The following ARHGEF10 variants were observed in gnomAD, a reference collection of about 807,000 sequenced individuals.
The protein encoded by ARHGEF10 is Rho guanine nucleotide exchange factor 10.
Under a neutral mutation model 147.4 loss-of-function variants are expected in ARHGEF10, and 140 were observed. The observed-to-expected ratio is 0.95, with a 90% confidence interval of 0.83 to 1.09. The LOEUF is 1.09. ARHGEF10 is among the 50% of genes least tolerant of loss of function. ARHGEF10 has a pLI of 0.00. For synonymous variants in ARHGEF10, 902 were observed against 695.8 expected (o/e 1.30, Z -4.67); for missense variants, 2,222 against 1,752.7 (o/e 1.27, Z -4.78).
At chr8:1,854,848 C>T (rs943414108) in intron 2 of ARHGEF10, among the ~76,000 whole-genome samples, 26 of 152,170 alleles carry the variant, frequency 1.7e-4, no homozygotes, top group African/African-American at 5.8e-4. Context: ...CCTTGCTGGG[C>T]GGTGAGCAGA....
chr8:1,900,310 G>A (rs922750693), intron 15 of ARHGEF10, among the ~76,000 whole-genome samples: 2 of 152,142 alleles, frequency 1.3e-5, no homozygotes, highest in African/African-American at 4.8e-5. Flanking sequence ...TGAGGAGCCC[G>A]AGCAGCTCCC....
chr8:1,850,289 C>T (rs981028942), intron 2 of ARHGEF10, among the ~76,000 whole-genome samples: 9 of 128,066 alleles, frequency 7.0e-5, no homozygotes, highest in South Asian at 5.0e-4. Context: ...GGGGCGGCCG[C>T]GTGGGCATGG....
intron 10 of ARHGEF10, among the ~76,000 whole-genome samples, chr8:1,884,805 C>G (rs1808515114): frequency 6.6e-6 from 1 of 152,194 alleles, no homozygotes; most frequent in African/African-American, 2.4e-5. Flanking sequence ...CACTCTGTCG[C>G]CCAGGCTGGA....
intron 5 of ARHGEF10, 27 bp downstream of exon 5, chr8:1,864,463 G>A (rs1412803297): frequency 1.9e-6 from 3 of 1,606,244 alleles, no homozygotes; most frequent in Non-Finnish European, 2.6e-6. Flanking sequence ...TCCCACACCT[G>A]CTGAATTCCC....
chr8:1,907,632 C>T (rs1051571722), intron 17 of ARHGEF10, among the ~76,000 whole-genome samples: 3 of 152,200 alleles, frequency 2.0e-5, no homozygotes, highest in African/African-American at 7.2e-5. Context: ...ACGTGGTGTA[C>T]TTTAAAGATG....
chr8:1,916,580 G>C (rs2129197077), intron 18 of ARHGEF10, among the ~76,000 whole-genome samples: 1 of 152,280 alleles, frequency 6.6e-6, no homozygotes, highest in African/African-American at 2.4e-5. Flanking sequence ...TGCGCTGGGA[G>C]GAGCTGCCGT....
chr8:1,837,698 G>A (rs1803670969), intron 1 of ARHGEF10, among the ~76,000 whole-genome samples: 1 of 152,080 alleles, frequency 6.6e-6, no homozygotes, highest in Non-Finnish European at 1.5e-5. Context: ...TTCTGGCCCT[G>A]CCACTTGCTC....
At chr8:1,930,051 G>A (rs1812999721) in intron 25 of ARHGEF10, among the ~76,000 whole-genome samples, 1 of 152,128 alleles carries the variant, frequency 6.6e-6, no homozygotes, top group East Asian at 1.9e-4. Context: ...GGATCTGGCC[G>A]CCGCTGCTTG....
intron 17 of ARHGEF10, among the ~76,000 whole-genome samples, chr8:1,907,657 C>A (rs533503221): frequency 1.1e-4 from 16 of 152,172 alleles, no homozygotes; most frequent in Admixed American, 7.2e-4. Flanking sequence ...AAAATGGATA[C>A]TTTAAAAGTA....
intron 25 of ARHGEF10, among the ~76,000 whole-genome samples, chr8:1,932,550 C>A (rs1279972753): frequency 6.6e-6 from 1 of 152,172 alleles, no homozygotes; most frequent in Non-Finnish European, 1.5e-5. Context: ...TGCATGGGTG[C>A]ATGTGCATAT....
intron 27 of ARHGEF10, among the ~76,000 whole-genome samples, chr8:1,950,871 C>T (rs899615539): frequency 3.9e-5 from 6 of 151,932 alleles, no homozygotes; most frequent in East Asian, 3.9e-4. Flanking sequence ...TGAGCCACTG[C>T]GCCCGGCCTA....
rs1406974534 is a variant in ARHGEF10 at position 1,952,873 on chromosome 8, C to T, written c.3520+46C>T. ...GAGTGGCTGCATCCTGTCTTGCAGGCTCGTGGAGCATAGCAGTGTGTAGTG... is the reference window on the plus strand; with the variant it reads ...GAGTGGCTGCATCCTGTCTTGCAGGTTCGTGGAGCATAGCAGTGTGTAGTG... On this transcript the variant is annotated intron_variant, in intron 28 of 28. Transcript: ENST00000349830. 2.5e-6 allele frequency: 4 copies of T among 1,612,958 alleles called. No homozygotes were observed. The Admixed American group carries it at 5.0e-5, about 20-fold the overall frequency.
chr8:1,926,301 C>A, intron 22 of ARHGEF10, 76 bp from the exon 23 acceptor site: 1 of 1,176,748 alleles, frequency 8.5e-7, no homozygotes, highest in Non-Finnish European at 1.3e-6. Context: ...GTAAGTCATC[C>A]ATTTAAGACG....
chr8:1,945,883 G>GTGCTGGGAGGAGCCGCC, intron 27 of ARHGEF10: 1 of 742,644 alleles, frequency 1.3e-6, no homozygotes, highest in Non-Finnish European at 2.2e-6. Context: ...AAGGAGCCGC[G>GTGCTGGGAGGAGCCGCC]TGCTGGGAGG....
chr8:1,837,928 C>G (rs1803688294), intron 1 of ARHGEF10, among the ~76,000 whole-genome samples: 1 of 152,192 alleles, frequency 6.6e-6, no homozygotes, highest in South Asian at 2.1e-4. Context: ...GCTCCTCACT[C>G]TCACAGGTGC....
rs1400353807 is a variant in ARHGEF10, at chr8:1,832,865, GAGGCAGAGAC to G, written c.-48+8755_-48+8764del. On this transcript the variant is annotated intron_variant, in intron 1 of 28. Coordinates refer to ENST00000349830, the MANE Select transcript of ARHGEF10 (RefSeq NM_014629.4). ...ACAGAGGCAGAGAGAGACAGAGGCA[GAGGCAGAGAC>G]AGAGAGACAGAGGCAGACGCAGAGA... is the stretch of plus-strand genomic sequence containing the variant. 3.2e-3 allele frequency among the ~76,000 whole-genome samples: 393 copies of G among 121,016 alleles called. 15 individuals carry two copies. Among genetic ancestry groups the G allele is most frequent in the Middle Eastern group, 0.01 (2 of 196 alleles). 79.4% of individuals were successfully genotyped at this position (121,016 alleles called of 152,430 possible). A position where few individuals can be genotyped will look rare whatever the true frequency, so the allele number is the denominator to read the frequency against.
At position 1,948,099 on chromosome 8, in the gene ARHGEF10, T is replaced by G. The variant is rs1814741381; in HGVS notation, c.3397+2444T>G. ...GACTTTTCACCCTTCAGCTCATAGTTTCCAGGCGGCCGATGATGGATCCAT... is the reference window on the plus strand; with the variant it reads ...GACTTTTCACCCTTCAGCTCATAGTGTCCAGGCGGCCGATGATGGATCCAT... On this transcript the variant is annotated intron_variant, in intron 27 of 28. Transcript: ENST00000349830. This position sits in a 1 kb window ranked among gnomAD's most constrained non-coding sequence, Gnocchi z 4.9. Among the ~76,000 whole-genome samples the G allele has an allele frequency of 6.6e-6, 1 of 151,990 alleles. No homozygotes were observed.
At chr8:1,945,403 T>C (rs1814483325) in intron 26 of ARHGEF10, 78 bp from the exon 27 acceptor site, 1 of 1,526,532 alleles carries the variant, frequency 6.6e-7, no homozygotes, top group African/African-American at 1.4e-5. Flanking sequence ...GCGCTCCAGC[T>C]GGACGCCACG....
At chr8:1,847,929 T>C (rs959072310) in intron 2 of ARHGEF10, among the ~76,000 whole-genome samples, 4 of 152,210 alleles carry the variant, frequency 2.6e-5, no homozygotes, top group Non-Finnish European at 5.9e-5. Context: ...TTGTTCTCAG[T>C]GTGTTAATCG....
Sources: gnomAD v4.1 joint callset for allele counts (sites outside exome capture counted in the v4.1 genomes callset) on GRCh38, gnomAD v4.1.1 for gene constraint, Gnocchi (gnomAD v3.1) non-coding constraint, MANE v1.5 for transcripts, NCBI Gene and HGNC (gene_info 2026-07-23, HGNC 2026-07-21) for gene names.